The following ABITRAM variants were observed in gnomAD, a reference collection of about 807,000 sequenced individuals.
The protein encoded by ABITRAM is protein Abitram.
Under a neutral mutation model 22.9 loss-of-function variants are expected in ABITRAM, and 19 were observed. The ratio of observed to expected loss-of-function variants is 0.83; its 90% CI spans 0.58 to 1.22. The LOEUF is 1.22. ABITRAM is among the 50% of genes most tolerant of loss of function. ABITRAM has a pLI of 0.00. For synonymous variants in ABITRAM, 70 were observed against 73.9 expected, an observed-to-expected ratio of 0.95 and a Z score of 0.27; for missense variants, 215 against 220.2, an observed-to-expected ratio of 0.98 and a Z score of 0.15.
rs1354304089 is a variant in ABITRAM, at chr9:108,939,075, T to C, written c.262-121T>C. On this transcript the variant is annotated intron_variant, in intron 3 of 5. Transcript: ENST00000322940. The stretch of plus-strand genomic sequence containing the variant: ...AAATTAATGAATGGTTTTTATATAC[T>C]GAAGTAACTGATTTAAAACACCAGT... 38 of 764,734 alleles carry C rather than the reference T, an allele frequency of 5.0e-5. No individual in the cohort carries two copies. In the South Asian group the frequency reaches 7.0e-4, roughly 14 times the overall value. The allele number at this position is 764,734 out of a possible 1,614,324, so 47.4% of individuals were successfully genotyped here.
chr9:108,950,359 T>C, intron 3 of ABITRAM: 3 of 851,068 alleles, frequency 3.5e-6, no homozygotes, highest in South Asian at 2.0e-5. Context: ...AATCACAGGA[T>C]AAGCTTGCTA....
In ABITRAM at chr9:108,940,150, T is replaced by TATCAATCA. The variant is rs35501409; in HGVS notation, c.*468_*469insATCAATCA. On this transcript the variant is annotated 3_prime_UTR_variant, in exon 6 of 6. Transcript: ENST00000322940. ...TTCAACTATAAACGAGTCAAAAATA[T>TATCAATCA]ATCATTAACCAAACACGAAACCCAC... 1 of 153,030 alleles carries TATCAATCA rather than the reference T, an allele frequency of 6.5e-6. No individual in the cohort carries two copies. The highest frequency in any genetic ancestry group is 6.5e-5 in the Admixed American group (1 of 15,362). The allele number at this position is 153,030 out of a possible 1,614,324, so 9.5% of individuals were successfully genotyped here.
Position 108,939,181 on chromosome 9 carries a change from C to T in ABITRAM, c.262-15C>T, listed in dbSNP as rs759000872. ...ATGTCCATCAACTGATTACTTCTTC[C>T]GTCTCATTACACAGGGGGCACAGTT... On this transcript the variant is annotated splice_polypyrimidine_tract_variant and intron_variant, in intron 3 of 5. Coordinates refer to ENST00000322940, the MANE Select transcript of ABITRAM (RefSeq NM_017832.4). The T allele has an allele frequency of 1.2e-5, 19 of 1,609,356 alleles. No individual in the cohort carries two copies. Among genetic ancestry groups the T allele is most frequent in the East Asian group, 1.1e-4 (5 of 44,848 alleles).
intron 2 of ABITRAM, 52 bp downstream of exon 2, chr9:108,935,741 G>T: frequency 8.3e-7 from 1 of 1,204,440 alleles, no homozygotes; most frequent in Non-Finnish European, 1.2e-6. Context: ...TCCTGGTATT[G>T]TAGCCTGGTA....
exon 4 of ABITRAM, chr9:108,950,686 G>A: frequency 1.4e-6 from 2 of 1,461,208 alleles, no homozygotes; most frequent in South Asian, 2.7e-5. Context: ...GGAGGTGGAT[G>A]CTCATCTTTT....
intron 3 of ABITRAM, among the ~76,000 whole-genome samples, chr9:108,937,115 G>A (rs371259256): frequency 2.6e-5 from 4 of 152,232 alleles, no homozygotes; most frequent in Admixed American, 6.5e-5. Context: ...AGCTGAGATC[G>A]CACCACTGCA....
chr9:108,940,968 G>T (rs1420771038), downstream of ABITRAM: 1 of 152,112 alleles, frequency 6.6e-6, no homozygotes, highest in Non-Finnish European at 1.5e-5. Context: ...ATCATTCGAT[G>T]TATTAATTCC....
chr9:108,938,389 A>C (rs188516619), intron 3 of ABITRAM, among the ~76,000 whole-genome samples: 3 of 152,212 alleles, frequency 2.0e-5, no homozygotes, highest in Non-Finnish European at 4.4e-5. Flanking sequence ...TACAGGAAAA[A>C]TTCATGGGAG....
At chr9:108,939,087 T>C (rs1830224153) in intron 3 of ABITRAM, 109 bp from the exon 4 acceptor site, 3 of 871,362 alleles carry the variant, frequency 3.4e-6, no homozygotes, top group Non-Finnish European at 5.4e-6. Context: ...AAGTAACTGA[T>C]TTAAAACACC....
chr9:108,943,131 TTCTCCATATGG>T (rs2132072413), downstream of ABITRAM: 10 of 1,216,968 alleles, frequency 8.2e-6, no homozygotes, highest in Non-Finnish European at 1.1e-5. Context: ...ATGATAAAAT[TTCTCCATATGG>T]AAATCTAAGG....
downstream of ABITRAM, chr9:108,942,967 C>T (rs1830287210): frequency 1.2e-6 from 2 of 1,612,376 alleles, no homozygotes; most frequent in African/African-American, 2.7e-5. Context: ...TCACCTTCTT[C>T]AGCAGTTTAT....
rs1371727533 is a variant in ABITRAM, at chr9:108,939,476, T to A, written c.408+22T>A. ...AAAGGTAAAAGAGAGAGAAAAAATA[T>A]GATCTCATCCACATACCTTTTATTG... On this transcript the variant is annotated intron_variant, in intron 5 of 5. Transcript: ENST00000322940. 1.9e-6 allele frequency: 3 copies of A among 1,604,864 alleles called. No individual in the cohort carries two copies. The South Asian group carries it at 3.4e-5, about 18-fold the overall frequency.
At chr9:108,937,499 C>A (rs1375008449) in intron 3 of ABITRAM, among the ~76,000 whole-genome samples, 1 of 152,118 alleles carries the variant, frequency 6.6e-6, no homozygotes, top group Non-Finnish European at 1.5e-5. Context: ...TCTAGGAGAC[C>A]CTTATTCAAA....
Position 108,940,021 on chromosome 9 carries a change from A to G in ABITRAM, c.*335A>G, listed in dbSNP as rs1587935574. On this transcript the variant is annotated 3_prime_UTR_variant, in exon 6 of 6. Coordinates refer to ENST00000322940, the MANE Select transcript of ABITRAM (RefSeq NM_017832.4). ...AATACAGAAGAGTTTTAAGTAGCCAAGTAAAAATAATTTACCCATCATCCC... is the reference window on the plus strand; with the variant it reads ...AATACAGAAGAGTTTTAAGTAGCCAGGTAAAAATAATTTACCCATCATCCC... 1 of 217,416 alleles carries G rather than the reference A, an allele frequency of 4.6e-6. No individual in the cohort carries two copies. The highest frequency in any genetic ancestry group is 1.0e-4 in the East Asian group (1 of 9,948). The allele number at this position is 217,416 out of a possible 1,614,324, so 13.5% of individuals were successfully genotyped here.
downstream of ABITRAM, chr9:108,942,997 G>A (rs771960852): frequency 6.2e-7 from 1 of 1,613,008 alleles, no homozygotes; most frequent in Non-Finnish European, 8.5e-7. Flanking sequence ...AAAGAAGTTG[G>A]ACTAAGAGAG....
intron 3 of ABITRAM, chr9:108,948,151 T>C: frequency 6.2e-7 from 1 of 1,605,576 alleles, no homozygotes; most frequent in African/African-American, 1.3e-5. Context: ...TAGCCCGAAA[T>C]TAAAGTACTA....
At chr9:108,946,297 C>CAAA (rs35064357) in intron 3 of ABITRAM, among the ~76,000 whole-genome samples, 3 of 95,068 alleles carry the variant, frequency 3.2e-5, no homozygotes, top group African/African-American at 8.0e-5. Context: ...GACTAAGTCT[C>CAAA]AAAAAAAAAA....
In ABITRAM at chr9:108,934,474, G is replaced by C. The variant is rs747383077; in HGVS notation, c.-13G>C. 15 of 1,593,284 alleles carry C rather than the reference G, an allele frequency of 9.4e-6. No homozygotes were observed. The highest frequency in any genetic ancestry group is 2.7e-5 in the African/African-American group (2 of 73,158). ...GGTCCCGGAGGGCGGGGGTGGCGGC[G>C]CCGGAGGTCGCCATGGCTACCGAGC... On this transcript the variant is annotated 5_prime_UTR_variant, in exon 1 of 6. Coordinates refer to ENST00000322940, the MANE Select transcript of ABITRAM (RefSeq NM_017832.4).
At chr9:108,949,564 C>A (rs921301044) in intron 3 of ABITRAM, among the ~76,000 whole-genome samples, 1 of 152,186 alleles carries the variant, frequency 6.6e-6, no homozygotes, top group Non-Finnish European at 1.5e-5. Flanking sequence ...AAAAATTAGG[C>A]CAGGTGTGGT....
Sources: allele counts gnomAD v4.1 joint callset (sites outside exome capture counted in the v4.1 genomes callset), GRCh38; gene constraint gnomAD v4.1.1; transcripts MANE v1.5; gene names NCBI Gene and HGNC (gene_info 2026-07-23, HGNC 2026-07-21).